SYNGR1: variants seen among roughly 807,000 people sequenced by gnomAD.
SYNGR1 encodes synaptogyrin-1.
In SYNGR1, 14 loss-of-function variants were observed where a neutral mutation model predicts 26.1. The ratio of observed to expected loss-of-function variants is 0.54; its 90% CI spans 0.35 to 0.84. The LOEUF (loss-of-function observed/expected upper bound fraction) is 0.84. Ranked by LOEUF, SYNGR1 falls within the 40% of genes least tolerant of loss-of-function variation. The probability of loss-of-function intolerance (pLI) is 0.01; values close to 1 mark genes in which losing one functional copy is unlikely to be tolerated. For synonymous variants in SYNGR1, 141 were observed against 150.1 expected (o/e 0.94, Z 0.44); for missense variants, 319 against 332.9 (o/e 0.96, Z 0.33).
At chr22:39,359,731 A>G (rs1275745376) in intron 1 of SYNGR1, among the ~76,000 whole-genome samples, 1 of 149,430 alleles carries the variant, frequency 6.7e-6, no homozygotes, top group Non-Finnish European at 1.5e-5. Context: ...TGGAGTGTCT[A>G]TTTCTGTGAC....
Position 39,350,813 on chromosome 22 carries a change from G to T in SYNGR1, c.99+704G>T, listed in dbSNP as rs913940116. Reference sequence around the variant, plus strand: ...ACAAGGTGGGCGGAGCCTTCTTGAGGCCCCCTTGGGCTCTGACATTTCATG... The same window carrying T: ...ACAAGGTGGGCGGAGCCTTCTTGAGTCCCCCTTGGGCTCTGACATTTCATG... On this transcript the variant is annotated intron_variant, in intron 1 of 3. Transcript: ENST00000328933. The surrounding 1 kb of genome is among the most constrained non-coding windows in gnomAD (Gnocchi z 4.3). Among the ~76,000 whole-genome samples, 2 of 152,144 alleles carry T rather than the reference G, an allele frequency of 1.3e-5. No individual in the cohort carries two copies. The highest frequency in any genetic ancestry group is 4.8e-5 in the African/African-American group (2 of 41,436).
Position 39,350,497 on chromosome 22 carries a change from T to C in SYNGR1, c.99+388T>C, listed in dbSNP as rs1362157135. ...ACGGAGCCAGGGTTTAAGGTGGCCTTTTTTGGGGGGTGGATCAGGGCGTGG... is the reference window on the plus strand; with the variant it reads ...ACGGAGCCAGGGTTTAAGGTGGCCTCTTTTGGGGGGTGGATCAGGGCGTGG... On this transcript the variant is annotated intron_variant, in intron 1 of 3. Transcript: ENST00000328933. This position sits in a 1 kb window ranked among gnomAD's most constrained non-coding sequence, Gnocchi z 4.3. Among the ~76,000 whole-genome samples the C allele has an allele frequency of 5.3e-5, 8 of 151,810 alleles. No homozygotes were observed. The highest frequency in any genetic ancestry group is 1.5e-5 in the Non-Finnish European group (1 of 67,950).
chr22:39,368,994 C>T (rs925461430), intron 1 of SYNGR1, among the ~76,000 whole-genome samples: 13 of 152,204 alleles, frequency 8.5e-5, no homozygotes, highest in African/African-American at 2.4e-4. Context: ...TTACAGAGGA[C>T]CAATCTGAGG....
rs1347600948 is a variant in SYNGR1, at chr22:39,350,653, C to T, written c.99+544C>T. Among the ~76,000 whole-genome samples, 2 of 152,180 alleles carry T rather than the reference C, an allele frequency of 1.3e-5. No individual in the cohort carries two copies. Among genetic ancestry groups the T allele is most frequent in the Non-Finnish European group, 2.9e-5 (2 of 68,028 alleles). On this transcript the variant is annotated intron_variant, in intron 1 of 3. Coordinates refer to ENST00000328933, the MANE Select transcript of SYNGR1 (RefSeq NM_004711.5). The surrounding 1 kb of genome is among the most constrained non-coding windows in gnomAD (Gnocchi z 4.3). ...CGGGAACTGAGTACCTCTCTTCCAC[C>T]CGGGAACTGCCTCTCCTTCTCTGCG...
intron 3 of SYNGR1, chr22:39,378,009 T>A: frequency 8.3e-7 from 1 of 1,203,754 alleles, no homozygotes; most frequent in Non-Finnish European, 1.1e-6. Flanking sequence ...CTCTTCCAAA[T>A]GGACAGCCGT....
rs565498336 is a variant in SYNGR1, at chr22:39,376,472, C to A, written c.483+275C>A. On this transcript the variant is annotated intron_variant, in intron 3 of 3. Coordinates refer to ENST00000328933, the MANE Select transcript of SYNGR1 (RefSeq NM_004711.5). Reference sequence around the variant, plus strand: ...CTGGGGGTCACGGACCACCCCCCCCCCAAACCACTCTGGGTAAATGGTGTT... The same window carrying A: ...CTGGGGGTCACGGACCACCCCCCCCACAAACCACTCTGGGTAAATGGTGTT... 4.0e-4 allele frequency among the ~76,000 whole-genome samples: 61 copies of A among 151,782 alleles called. 1 individual carries two copies. The highest frequency in any genetic ancestry group is 2.5e-3 in the South Asian group (12 of 4,818).
At chr22:39,374,669 G>A (rs1007297895) in intron 2 of SYNGR1, 116 bp downstream of exon 2, 41 of 1,137,630 alleles carry the variant, frequency 3.6e-5, no homozygotes, top group Non-Finnish European at 5.1e-5. Context: ...AGGTGCAGGC[G>A]GGTGAAGGGA....
intron 1 of SYNGR1, among the ~76,000 whole-genome samples, chr22:39,355,771 A>C (rs1924116882): frequency 6.6e-6 from 1 of 152,164 alleles, no homozygotes. Context: ...TAAGCCCAAC[A>C]CTTTGGGAGG....
At chr22:39,371,531 C>A (rs1019267755) in intron 1 of SYNGR1, among the ~76,000 whole-genome samples, 1 of 150,538 alleles carries the variant, frequency 6.6e-6, no homozygotes, top group East Asian at 2.0e-4. Context: ...GGCTCACGCC[C>A]GTAATCCCAG....
intron 3 of SYNGR1, among the ~76,000 whole-genome samples, chr22:39,376,505 C>T (rs1040393002): frequency 1.3e-5 from 2 of 152,196 alleles, no homozygotes; most frequent in African/African-American, 4.8e-5. Context: ...GTTTATTATC[C>T]CCTTTCACAG....
At chr22:39,369,943 A>T (rs1924941642) in intron 1 of SYNGR1, among the ~76,000 whole-genome samples, 1 of 152,184 alleles carries the variant, frequency 6.6e-6, no homozygotes, top group Non-Finnish European at 1.5e-5. Flanking sequence ...AGATTAGCCT[A>T]ACATACCATT....
At chr22:39,355,972 T>C (rs920375612) in intron 1 of SYNGR1, among the ~76,000 whole-genome samples, 3 of 152,110 alleles carry the variant, frequency 2.0e-5, no homozygotes, top group African/African-American at 7.2e-5. Flanking sequence ...TGAGCCGAGA[T>C]TGCGCCATCG....
chr22:39,366,893 C>T (rs1924785665), intron 1 of SYNGR1, among the ~76,000 whole-genome samples: 2 of 152,216 alleles, frequency 1.3e-5, no homozygotes, highest in Admixed American at 6.5e-5. Flanking sequence ...CCCTCAAGGC[C>T]AACCCATCTT....
In SYNGR1 at chr22:39,350,043, C is replaced by T. The variant is rs2145600695; in HGVS notation, c.33C>T (p.Ala11=). The T allele has an allele frequency of 1.4e-6, 2 of 1,420,084 alleles. No individual in the cohort carries two copies. Among genetic ancestry groups the T allele is most frequent in the Non-Finnish European group, 1.9e-6 (2 of 1,069,530 alleles). 88.0% of individuals were successfully genotyped at this position (1,420,084 alleles called of 1,614,324 possible). A position where few individuals can be genotyped will look rare whatever the true frequency, so the allele number is the denominator to read the frequency against. Residue 11 remains alanine, a synonymous_variant, in exon 1 of 4, where the codon GCC becomes GCT. Transcript: ENST00000328933. The surrounding 1 kb of genome is among the most constrained non-coding windows in gnomAD (Gnocchi z 4.3). MEGGAYGAGK[A]GGAFDPYTLV... is the part of the protein sequence containing the mutation. Reference sequence around the variant, plus strand: ...GGGGTGCGTACGGAGCGGGCAAAGCCGGGGGCGCCTTCGACCCCTACACCC... The same window carrying T: ...GGGGTGCGTACGGAGCGGGCAAAGCTGGGGGCGCCTTCGACCCCTACACCC...
At chr22:39,366,777 A>C (rs1383611581) in intron 1 of SYNGR1, among the ~76,000 whole-genome samples, 1 of 152,100 alleles carries the variant, frequency 6.6e-6, no homozygotes, top group Non-Finnish European at 1.5e-5. Flanking sequence ...CTTTGCCACC[A>C]CAGTCTTTTC....
At chr22:39,373,463 G>A (rs1338207527) in intron 1 of SYNGR1, among the ~76,000 whole-genome samples, 1 of 151,632 alleles carries the variant, frequency 6.6e-6, no homozygotes, top group East Asian at 1.9e-4. Context: ...ACCACGCCTG[G>A]CCCGAGAGTT....
chr22:39,371,961 C>CA (rs1925041741), intron 1 of SYNGR1, among the ~76,000 whole-genome samples: 1 of 152,072 alleles, frequency 6.6e-6, no homozygotes, highest in Non-Finnish European at 1.5e-5. Flanking sequence ...TGCCCTACAA[C>CA]ATAAGGCTTA....
chr22:39,372,322 A>G (rs978087155), intron 1 of SYNGR1, among the ~76,000 whole-genome samples: 1 of 151,076 alleles, frequency 6.6e-6, no homozygotes, highest in Admixed American at 6.6e-5. Context: ...TAGTAGAGAC[A>G]GGATTTCACC....
chr22:39,377,786 C>G (rs1302738410), intron 3 of SYNGR1: 1 of 1,549,964 alleles, frequency 6.5e-7, no homozygotes, highest in East Asian at 2.4e-5. Flanking sequence ...GATGCCAGGG[C>G]ATGCAGGGCA....
Sources: gnomAD v4.1 joint callset for allele counts (sites outside exome capture counted in the v4.1 genomes callset) on GRCh38, gnomAD v4.1.1 for gene constraint, Gnocchi (gnomAD v3.1) non-coding constraint, MANE v1.5 for transcripts, NCBI Gene and HGNC (gene_info 2026-07-23, HGNC 2026-07-21) for gene names.